Variants in SOX6 observed in about 807,000 individuals in gnomAD.
SOX6 encodes the protein transcription factor SOX-6.
SOX6 carries 11 observed loss-of-function variants against 97.8 expected under a neutral mutation model. The observed-to-expected ratio is 0.11, with a 90% confidence interval of 0.07 to 0.19. SOX6 has a LOEUF of 0.19. Among genes scored for constraint, SOX6 ranks in the 10% least tolerant of loss-of-function variants. The pLI is 1.00. For missense variants in SOX6, 810 were observed against 1,039.5 expected, an observed-to-expected ratio of 0.78 and a Z score of 3.04; for synonymous variants, 360 against 371.4, an observed-to-expected ratio of 0.97 and a Z score of 0.35.
intron 6 of SOX6, among the ~76,000 whole-genome samples, chr11:16,164,183 G>A (rs370613446): frequency 3.9e-5 from 6 of 152,122 alleles, no homozygotes; most frequent in African/African-American, 1.4e-4. Context: ...TGCCCAGGCT[G>A]GTCTCAAACT....
At chr11:16,141,681 A>G (rs1469707519) in intron 6 of SOX6, among the ~76,000 whole-genome samples, 1 of 152,198 alleles carries the variant, frequency 6.6e-6, no homozygotes, top group Admixed American at 6.5e-5. Flanking sequence ...CAATGGTCTT[A>G]GCAAACGGCA....
chr11:16,508,796 A>T (rs952743907), intron 4 of SOX6, among the ~76,000 whole-genome samples: 1 of 152,144 alleles, frequency 6.6e-6, no homozygotes, highest in South Asian at 2.1e-4. Context: ...TATCATTAAC[A>T]ACAATGTATT....
intron 6 of SOX6, among the ~76,000 whole-genome samples, chr11:16,171,277 A>C (rs925399871): frequency 2.6e-5 from 4 of 151,940 alleles, no homozygotes; most frequent in African/African-American, 9.7e-5. Context: ...AAGTAAAACC[A>C]GATCTACCCA....
intron 4 of SOX6, among the ~76,000 whole-genome samples, chr11:16,569,789 A>G (rs533394499): frequency 2.0e-5 from 3 of 147,918 alleles, no homozygotes; most frequent in African/African-American, 7.6e-5. Flanking sequence ...GAATGGTGTG[A>G]ACCCGGGAGG....
rs192358272 is a variant in SOX6 at position 16,138,802 on chromosome 11, T to C, written c.778-26879A>G. 1.9e-3 allele frequency among the ~76,000 whole-genome samples: 283 copies of C among 152,172 alleles called. 5 individuals carry two copies. The East Asian group carries it at 0.029, about 16-fold the overall frequency. Reference sequence around the variant, plus strand: ...ACCTATGAGTGAGAACATGCGGTGTTTGGTTTTTTGTCCTTGCGATAGTTT... The same window carrying C: ...ACCTATGAGTGAGAACATGCGGTGTCTGGTTTTTTGTCCTTGCGATAGTTT... On this transcript the variant is annotated intron_variant, in intron 6 of 15. Coordinates refer to ENST00000683767, the MANE Select transcript of SOX6 (RefSeq NM_001367873.1).
intron 12 of SOX6, among the ~76,000 whole-genome samples, chr11:16,040,967 C>T (rs1334159255): frequency 6.6e-6 from 1 of 152,094 alleles, no homozygotes; most frequent in Admixed American, 6.6e-5. Flanking sequence ...TACTGCTCTG[C>T]TTTGCAAATG....
chr11:16,393,559 G>A (rs986640338), intron 1 of SOX6, among the ~76,000 whole-genome samples: 3 of 152,006 alleles, frequency 2.0e-5, no homozygotes, highest in Non-Finnish European at 4.4e-5. Context: ...ACTATCTTCT[G>A]CCTTATCACA....
chr11:16,197,182 T>C (rs1051839920), intron 4 of SOX6, among the ~76,000 whole-genome samples: 1 of 152,092 alleles, frequency 6.6e-6, no homozygotes, highest in Non-Finnish European at 1.5e-5. Context: ...GAATTCCCCA[T>C]TCCAGGTCTG....
At chr11:16,106,362 A>ATG (rs1046324842) in intron 7 of SOX6, among the ~76,000 whole-genome samples, 14 of 151,592 alleles carry the variant, frequency 9.2e-5, no homozygotes, top group East Asian at 7.8e-4. Context: ...ATATATACAT[A>ATG]TGTGTGTGTG....
intron 2 of SOX6, among the ~76,000 whole-genome samples, chr11:16,726,132 G>C (rs1247733567): frequency 1.3e-5 from 2 of 152,172 alleles, no homozygotes; most frequent in African/African-American, 4.8e-5. Flanking sequence ...GTGATGGCTG[G>C]GCATGGTGGT....
intron 12 of SOX6, among the ~76,000 whole-genome samples, chr11:16,024,142 C>T (rs911196649): frequency 6.6e-6 from 1 of 152,084 alleles, no homozygotes; most frequent in Non-Finnish European, 1.5e-5. Context: ...GGGATGTGTG[C>T]ACATGGAGGA....
intron 9 of SOX6, among the ~76,000 whole-genome samples, chr11:16,062,129 T>G (rs926296419): frequency 4.0e-5 from 6 of 151,692 alleles, no homozygotes; most frequent in Non-Finnish European, 1.5e-5. Context: ...AGAATACTTT[T>G]GCAAATGGCC....
intron 6 of SOX6, among the ~76,000 whole-genome samples, chr11:16,178,488 G>C (rs144541314): frequency 6.6e-6 from 1 of 152,064 alleles, no homozygotes; most frequent in East Asian, 1.9e-4. Flanking sequence ...CAGAGACATA[G>C]AGAGAGGAAA....
intron 3 of SOX6, among the ~76,000 whole-genome samples, chr11:16,269,265 T>TTGTC (rs34769001): frequency 0.78 from 117,637 of 150,414 alleles, 46,163 homozygotes; most frequent in Non-Finnish European, 0.8. Context: ...TTTATTCTCC[T>TTGTC]TGTTTATTCA....
In SOX6 at chr11:16,244,603, G is replaced by A. The variant is rs1340916199; in HGVS notation, c.446-9932C>T. Reference sequence around the variant, plus strand: ...TCTATGATCAATTTTAATTTATTTTGTATGTATGGCATGAGGTAAAAGATA... The same window carrying A: ...TCTATGATCAATTTTAATTTATTTTATATGTATGGCATGAGGTAAAAGATA... On this transcript the variant is annotated intron_variant, in intron 3 of 15. Coordinates refer to ENST00000683767, the MANE Select transcript of SOX6 (RefSeq NM_001367873.1). Among the ~76,000 whole-genome samples, 4 of 151,358 alleles carry A rather than the reference G, an allele frequency of 2.6e-5. No homozygotes were observed. The East Asian group carries it at 7.7e-4, about 29-fold the overall frequency.
chr11:16,060,743 T>C (rs1338721786), intron 9 of SOX6, among the ~76,000 whole-genome samples: 1 of 151,880 alleles, frequency 6.6e-6, no homozygotes, highest in Non-Finnish European at 1.5e-5. Context: ...CTGAGGAGAA[T>C]TCAAAGCACA....
rs371669631 is a variant in SOX6 at position 16,153,863 on chromosome 11, T to C, written c.777+30023A>G. Among the ~76,000 whole-genome samples, 209 of 152,254 alleles carry C rather than the reference T, an allele frequency of 1.4e-3. No individual in the cohort carries two copies. In the South Asian group the frequency reaches 0.016, roughly 12 times the overall value. Reference sequence around the variant, plus strand: ...GTCAAAAATAAAAAAAAAATCCAAATTGAGATATAATGAAGTTTAACTTCT... The same window carrying C: ...GTCAAAAATAAAAAAAAAATCCAAACTGAGATATAATGAAGTTTAACTTCT... On this transcript the variant is annotated intron_variant, in intron 6 of 15. Transcript: ENST00000683767.
At chr11:16,327,637 G>A (rs181505300) in intron 2 of SOX6, among the ~76,000 whole-genome samples, 17 of 152,120 alleles carry the variant, frequency 1.1e-4, no homozygotes, top group Admixed American at 3.9e-4. Context: ...GTACACTACC[G>A]CTCTTATTCA....
chr11:16,495,690 T>G (rs539789085), intron 4 of SOX6, among the ~76,000 whole-genome samples: 2 of 152,138 alleles, frequency 1.3e-5, no homozygotes, highest in South Asian at 4.1e-4. Flanking sequence ...CAACACCCAC[T>G]GGCCAGGGAC....
Sources: allele counts gnomAD v4.1 joint callset (sites outside exome capture counted in the v4.1 genomes callset), GRCh38; gene constraint gnomAD v4.1.1; transcripts MANE v1.5; gene names NCBI Gene and HGNC (gene_info 2026-07-23, HGNC 2026-07-21).